NEB: variants seen among roughly 807,000 people sequenced by gnomAD.
NEB encodes nemaline myopathy type 2.
Under a neutral mutation model 952.2 loss-of-function variants are expected in NEB, and 512 were observed. The observed-to-expected ratio is 0.54, with a 90% CI of 0.50 to 0.58. NEB has a LOEUF of 0.58. Among genes scored for constraint, NEB ranks in the 20% least tolerant of loss-of-function variants. The pLI is 0.00. For missense variants in NEB, 8,428 were observed against 9,231.1 expected (o/e 0.91, Z 3.56); for synonymous variants, 2,900 against 3,149.8 (o/e 0.92, Z 2.66).
chr2:151,693,870 T>C (rs1378026080), intron 20 of NEB, among the ~76,000 whole-genome samples: 2 of 152,188 alleles, frequency 1.3e-5, no homozygotes, highest in Non-Finnish European at 2.9e-5. Context: ...AATGCTTTGC[T>C]TTTGAGTTTA....
intron 113 of NEB, among the ~76,000 whole-genome samples, chr2:151,567,700 GATAAAA>G (rs1004849647): frequency 6.6e-6 from 1 of 151,554 alleles, no homozygotes; most frequent in African/African-American, 2.4e-5. Context: ...CCCTAAAAAT[GATAAAA>G]ATAAAATTTA....
chr2:151,682,710 C>T lies in NEB; in HGVS notation c.2895G>A (p.Gly965=), dbSNP rs761681205. The change falls in exon 29 of 182, where the codon GGG becomes GGA. Residue 965 remains glycine (G), a synonymous_variant. Transcript: ENST00000397345. ...GCTTTGCCTTTTCCATTTCTAAGGA[C>T]CCAAAAGGCACCCAGCCACAACCTT... The part of the protein sequence containing the change: ...WMKGCGWVPF[G]SLEMEKAKRA... 2 of 1,613,328 alleles carry T rather than the reference C, an allele frequency of 1.2e-6. No individual in the cohort carries two copies. The highest frequency in any genetic ancestry group is 1.7e-6 in the Non-Finnish European group (2 of 1,179,538).
intron 36 of NEB, among the ~76,000 whole-genome samples, chr2:151,673,522 G>A (rs998794557): frequency 2.6e-5 from 4 of 151,578 alleles, no homozygotes; most frequent in African/African-American, 4.8e-5. Context: ...TCATAGTGAT[G>A]TGCATTGTGT....
rs369188503 is a variant in NEB at position 151,531,902 on chromosome 2, T to G, written c.21418-6A>C. 3.9e-6 allele frequency: 1 copy of G among 257,816 alleles called. No individual in the cohort carries two copies. Among genetic ancestry groups the G allele is most frequent in the Non-Finnish European group, 6.2e-6 (1 of 160,614 alleles). The allele number at this position is 257,816 out of a possible 1,614,324, so 16.0% of individuals were successfully genotyped here. A position where few individuals can be genotyped will look rare whatever the true frequency, so the allele number is the denominator to read the frequency against. On this transcript the variant is annotated splice_polypyrimidine_tract_variant and splice_region_variant and intron_variant, in intron 143 of 181. Transcript: ENST00000397345. ...TAGTTTTTCCTGTATTTGATCTAAATTGTGGAAGAGAAGAAAGAGCTCTAA... is the reference window on the plus strand; with the variant it reads ...TAGTTTTTCCTGTATTTGATCTAAAGTGTGGAAGAGAAGAAAGAGCTCTAA...
chr2:151,562,623 C>G lies in NEB; in HGVS notation c.18879G>C (p.Glu6293Asp). ...PNVIRVRNAQ[E>D]ILSDNVYKDD... is the part of the protein sequence containing the mutation. ...AGGGACATCATACATCACTCAAGAT[C>G]TCCTGGGCGTTTCGGACGCGTATAA... Residue 6293 changes from glutamate (E) to aspartate (D), a missense_variant, in exon 120 of 182, where the codon GAG becomes GAC. Around this residue, in one of 11 missense-constraint regions of NEB, gnomAD observed 3,374 missense variants for 3,651.5 expected, o/e 0.92. Coordinates refer to ENST00000397345, the MANE Select transcript of NEB (RefSeq NM_001164508.2). The G allele has an allele frequency of 6.3e-7, 1 of 1,576,154 alleles. No individual in the cohort carries two copies. Among genetic ancestry groups the G allele is most frequent in the Non-Finnish European group, 8.7e-7 (1 of 1,152,858 alleles).
In NEB at chr2:151,518,992, G is replaced by A; in HGVS notation, c.22668C>T (p.Val7556=). Residue 7556 remains valine (V), a synonymous_variant, in exon 155 of 182, where the codon GTC becomes GTT. Coordinates refer to ENST00000397345, the MANE Select transcript of NEB (RefSeq NM_001164508.2). ...AACTGGCAAGTTGGCTTGTATTCAG[G>A]ACATGATTCATGATCAGAGACTCCT... ...DMKESLIMNH[V]LNTSQLASSY... 6.2e-7 allele frequency: 1 copy of A among 1,613,386 alleles called. No homozygotes were observed. Among genetic ancestry groups the A allele is most frequent in the Non-Finnish European group, 8.5e-7 (1 of 1,179,424 alleles).
At chr2:151,495,392 G>A (rs959439559) in intron 173 of NEB, 1 of 152,204 alleles carries the variant, frequency 6.6e-6, no homozygotes, top group South Asian at 2.1e-4. Context: ...CCTACAGAAT[G>A]AGAAACTAGA....
chr2:151,719,886 C>CAAAAAAAAAAA (rs34116466), intron 9 of NEB, among the ~76,000 whole-genome samples: 2 of 103,610 alleles, frequency 1.9e-5, no homozygotes, highest in Admixed American at 1.1e-4. Context: ...GACCCTGTCT[C>CAAAAAAAAAAA]AAAAAAAAAA....
intron 65 of NEB, among the ~76,000 whole-genome samples, chr2:151,632,674 T>C (rs2098692599): frequency 7.4e-6 from 1 of 134,850 alleles, no homozygotes; most frequent in African/African-American, 2.8e-5. Flanking sequence ...AGACTCTGTC[T>C]CAGAAAAAAA....
Position 151,512,853 on chromosome 2 carries a change from G to A in NEB, c.23242-16C>T, listed in dbSNP as rs764201824. The stretch of plus-strand genomic sequence containing the variant: ...TATACTTAATCTGTAAAACAACACC[G>A]AATAGTTGGGTAAATGTTTGCAATG... On this transcript the variant is annotated splice_polypyrimidine_tract_variant and intron_variant, in intron 160 of 181. Coordinates refer to ENST00000397345, the MANE Select transcript of NEB (RefSeq NM_001164508.2). The A allele has an allele frequency of 5.9e-6, 9 of 1,537,354 alleles. No individual in the cohort carries two copies. The highest frequency in any genetic ancestry group is 1.7e-5 in the Admixed American group (1 of 58,568).
chr2:151,528,334 A>G (rs1274139993), intron 146 of NEB, among the ~76,000 whole-genome samples: 1 of 152,236 alleles, frequency 6.6e-6, no homozygotes, highest in East Asian at 1.9e-4. Flanking sequence ...TATAATTTAT[A>G]CACAATACAA....
At position 151,576,506 on chromosome 2, in the gene NEB, ATATATATATATTTTTTTTTTTTTT is replaced by A. The variant is rs1412043658; in HGVS notation, c.16705-176_16705-153del. ...AATACATATATATATATATATATAT[ATATATATATATTTTTTTTTTTTTT>A]TTTTTTTTTTTTTTTTTTTGAGACA... On this transcript the variant is annotated intron_variant, in intron 105 of 181. Transcript: ENST00000397345. Among the ~76,000 whole-genome samples, 26 of 43,534 alleles carry A rather than the reference ATATATATATATTTTTTTTTTTTTT, an allele frequency of 6.0e-4. No homozygotes were observed. The East Asian group carries it at 7.7e-3, about 13-fold the overall frequency. 28.6% of individuals were successfully genotyped at this position (43,534 alleles called of 152,430 possible). A position where few individuals can be genotyped will look rare whatever the true frequency, so the allele number is the denominator to read the frequency against.
intron 75 of NEB, 40 bp from the exon 76 acceptor site, chr2:151,616,149 A>G (rs1166746826): frequency 1.5e-6 from 2 of 1,351,774 alleles, no homozygotes; most frequent in Non-Finnish European, 2.1e-6. Flanking sequence ...CTCCTTCCAT[A>G]AAAAGTGAAG....
At position 151,549,677 on chromosome 2, in the gene NEB, G is replaced by A. The variant is rs369562967; in HGVS notation, c.20008C>T (p.His6670Tyr). 7 of 1,601,512 alleles carry A rather than the reference G, an allele frequency of 4.4e-6. No individual in the cohort carries two copies. In the African/African-American group the frequency reaches 6.7e-5, roughly 15 times the overall value. Reference protein sequence around the residue: ...TGYRLPGDTPHFKHIKDTRYM... With the variant: ...TGYRLPGDTPYFKHIKDTRYM... ...CGGGTGTCCTTGATGTGTTTGAAGT[G>A]AGGAGTGTCACCTGGAAGTCTATAT... Residue 6670 changes from histidine to tyrosine, a missense_variant, in exon 130 of 182, where the codon CAC becomes TAC. His to Tyr is a moderately conservative substitution (Grantham distance 83). Transcript: ENST00000397345.
In NEB at chr2:151,563,660, G is replaced by A. The variant is rs534845823; in HGVS notation, c.18639C>T (p.Ile6213=). ...AGTGAACCACACCAGGGAATTCACCGATCACTTTTCCAGCCAGGTAGTGAC... is the reference window on the plus strand; with the variant it reads ...AGTGAACCACACCAGGGAATTCACCAATCACTTTTCCAGCCAGGTAGTGAC... ...QKGHYLAGKV[I]GEFPGVVHCL... is the part of the protein sequence containing the mutation. The change falls in exon 119 of 182, where the codon ATC becomes ATT. Residue 6213 remains isoleucine (I), a synonymous_variant. Coordinates refer to ENST00000397345, the MANE Select transcript of NEB (RefSeq NM_001164508.2). The A allele has an allele frequency of 5.6e-6, 9 of 1,613,838 alleles. No individual in the cohort carries two copies. In the African/African-American group the frequency reaches 6.7e-5, roughly 12 times the overall value.
chr2:151,705,722 C>A (rs1436221323), intron 13 of NEB, among the ~76,000 whole-genome samples: 1 of 152,046 alleles, frequency 6.6e-6, no homozygotes, highest in South Asian at 2.1e-4. Context: ...ATATATACAG[C>A]ATGGAATGCT....
intron 163 of NEB, 48 bp downstream of exon 163, chr2:151,506,861 G>T: frequency 8.2e-7 from 1 of 1,212,952 alleles, no homozygotes; most frequent in Non-Finnish European, 1.2e-6. Flanking sequence ...AAAGAGGAGA[G>T]TGAAATGACT....
chr2:151,541,049 C>A (rs556696953), intron 136 of NEB, among the ~76,000 whole-genome samples: 5 of 152,026 alleles, frequency 3.3e-5, no homozygotes. Flanking sequence ...CAAGCAAAGC[C>A]ATGTGATAAA....
chr2:151,486,158 C>T lies in NEB; in HGVS notation c.25405-225G>A, dbSNP rs1574273987. The stretch of plus-strand genomic sequence containing the variant: ...CAGAACATATGACGAACTCCTACAA[C>T]TCAATGCCTTCCCCCACCAAAAGAG... On this transcript the variant is annotated intron_variant, in intron 181 of 181. Transcript: ENST00000397345. The T allele has an allele frequency of 2.7e-5, 13 of 481,044 alleles. No individual in the cohort carries two copies. In the East Asian group the frequency reaches 4.2e-4, roughly 16 times the overall value. The allele number at this position is 481,044 out of a possible 1,614,324, so 29.8% of individuals were successfully genotyped here. A position where few individuals can be genotyped will look rare whatever the true frequency, so the allele number is the denominator to read the frequency against.
Sources: gnomAD v4.1 joint callset for allele counts (sites outside exome capture counted in the v4.1 genomes callset) on GRCh38, gnomAD v4.1.1 for gene constraint, gnomAD v4.1.1 regional missense constraint, MANE v1.5 for transcripts, NCBI Gene and HGNC (gene_info 2026-07-23, HGNC 2026-07-21) for gene names.